ALG8: variants seen among roughly 807,000 people sequenced by gnomAD.
The protein encoded by ALG8 is ALG8 alpha-1,3-glucosyltransferase, also known as dolichyl pyrophosphate Glc1Man9GlcNAc2 alpha-1,3-glucosyltransferase.
A neutral mutation model predicts 70.2 loss-of-function variants in ALG8; 48 were observed. The observed-to-expected ratio is 0.68, with a 90% CI of 0.54 to 0.87. The LOEUF (loss-of-function observed/expected upper bound fraction) is 0.87, where lower values mean the gene tolerates loss of function less well. Among genes scored for constraint, ALG8 ranks in the 40% least tolerant of loss-of-function variants. The probability of loss-of-function intolerance (pLI) is 0.00; values close to 1 mark genes in which losing one functional copy is unlikely to be tolerated. For missense variants in ALG8, 572 were observed against 608.7 expected (o/e 0.94, Z 0.64); for synonymous variants, 234 against 229.0 (o/e 1.02, Z -0.20).
chr11:78,125,721 T>A (rs1861039220), intron 2 of ALG8, among the ~76,000 whole-genome samples: 1 of 150,062 alleles, frequency 6.7e-6, no homozygotes, highest in African/African-American at 2.5e-5. Flanking sequence ...GGCAGGAGAA[T>A]CACTTGAACC....
chr11:78,133,877 G>A (rs1408911876), intron 1 of ALG8, among the ~76,000 whole-genome samples: 1 of 151,444 alleles, frequency 6.6e-6, no homozygotes, highest in East Asian at 2.0e-4. Flanking sequence ...CTCCAGCCTG[G>A]GCGACAGAGC....
intron 1 of ALG8, among the ~76,000 whole-genome samples, chr11:78,136,478 A>G (rs1006138066): frequency 2.0e-5 from 3 of 152,254 alleles, no homozygotes; most frequent in South Asian, 2.1e-4. Context: ...TTAAGGCTGC[A>G]GTGAGCCATG....
At chr11:78,105,912 T>C (rs1234801735) in intron 10 of ALG8, among the ~76,000 whole-genome samples, 2 of 151,874 alleles carry the variant, frequency 1.3e-5, no homozygotes, top group African/African-American at 4.8e-5. Flanking sequence ...TTTTGCCATG[T>C]TGGCCAGGCT....
At chr11:78,118,812 T>C in intron 5 of ALG8, among the ~76,000 whole-genome samples, 1 of 151,788 alleles carries the variant, frequency 6.6e-6, no homozygotes, top group Admixed American at 6.6e-5. Context: ...TGTGCACCTG[T>C]AATCCCAGCT....
At chr11:78,103,812 C>T (rs1464602456) in intron 12 of ALG8, among the ~76,000 whole-genome samples, 168 bp downstream of exon 12, 9 of 152,152 alleles carry the variant, frequency 5.9e-5, no homozygotes, top group Non-Finnish European at 1.0e-4. Flanking sequence ...TATGTTGTCT[C>T]GACTGAGTGA....
chr11:78,138,676 C>T (rs182850521), intron 1 of ALG8: 221 of 453,578 alleles, frequency 4.9e-4, no homozygotes, highest in Non-Finnish European at 8.4e-4. Flanking sequence ...GAAGGGAAGG[C>T]GGAAGCCAAT....
At chr11:78,117,611 CAA>C (rs55823839) in intron 5 of ALG8, among the ~76,000 whole-genome samples, 64 of 128,504 alleles carry the variant, frequency 5.0e-4, no homozygotes, top group South Asian at 5.0e-4. Flanking sequence ...CCTTCTCTAC[CAA>C]AAAAAAAAAA....
chr11:78,138,199 A>C (rs1861627219), intron 1 of ALG8, among the ~76,000 whole-genome samples: 2 of 151,994 alleles, frequency 1.3e-5, no homozygotes, highest in African/African-American at 4.8e-5. Context: ...AAATACAAAA[A>C]TTAGCCTGGC....
chr11:78,109,069 A>T (rs1258973131), intron 9 of ALG8, among the ~76,000 whole-genome samples: 1 of 152,194 alleles, frequency 6.6e-6, no homozygotes, highest in African/African-American at 2.4e-5. Flanking sequence ...ATACATTTGG[A>T]ATTTTGATGA....
At chr11:78,114,522 T>A in intron 5 of ALG8, 130 bp from the exon 6 acceptor site, 1 of 1,087,504 alleles carries the variant, frequency 9.2e-7, no homozygotes, top group Admixed American at 2.0e-5. Flanking sequence ...TTCAAATGCA[T>A]CAATATTGCT....
chr11:78,124,382 C>T (rs1004611128), intron 2 of ALG8, among the ~76,000 whole-genome samples, 168 bp from the exon 3 acceptor site: 4 of 152,140 alleles, frequency 2.6e-5, no homozygotes, highest in Admixed American at 2.6e-4. Context: ...GCAGGCAGAT[C>T]GCTTGAGCCC....
chr11:78,110,364 GTAT>G (rs752719471), intron 8 of ALG8, among the ~76,000 whole-genome samples: 2 of 152,082 alleles, frequency 1.3e-5, no homozygotes, highest in Non-Finnish European at 1.5e-5. Context: ...GCTAATTTTT[GTAT>G]TTTTAGTAGA....
At chr11:78,127,337 A>G (rs1861124426) in intron 2 of ALG8, 21 bp downstream of exon 2, 1 of 1,585,838 alleles carries the variant, frequency 6.3e-7, no homozygotes, top group African/African-American at 1.3e-5. Context: ...TAAAAAAAAA[A>G]AGGTGAAAAT....
chr11:78,137,857 CATG>C lies in ALG8; in HGVS notation c.95+1634_95+1636del, dbSNP rs1455989687. On this transcript the variant is annotated intron_variant, in intron 1 of 12. Transcript: ENST00000299626. Reference sequence around the variant, plus strand: ...ATGTAACACAGACACAAAATGAGCACATGATGTTAGAAAAATGGCATTGATAGA... The same window carrying C: ...ATGTAACACAGACACAAAATGAGCACATGTTAGAAAAATGGCATTGATAGA... 2.6e-5 allele frequency among the ~76,000 whole-genome samples: 4 copies of C among 152,184 alleles called. No homozygotes were observed. The East Asian group carries it at 5.8e-4, about 22-fold the overall frequency.
At chr11:78,133,413 C>T (rs993457600) in intron 1 of ALG8, 10 of 152,168 alleles carry the variant, frequency 6.6e-5, no homozygotes, top group African/African-American at 2.4e-4. Flanking sequence ...TAAAAACATT[C>T]GTTTTTAAAT....
intron 1 of ALG8, among the ~76,000 whole-genome samples, chr11:78,130,925 G>T (rs968581026): frequency 4.6e-5 from 7 of 151,650 alleles, no homozygotes; most frequent in African/African-American, 1.5e-4. Flanking sequence ...CTTAATTTTG[G>T]CAATAACATT....
chr11:78,122,287 T>A (rs543442250), intron 3 of ALG8, among the ~76,000 whole-genome samples: 1 of 151,936 alleles, frequency 6.6e-6, no homozygotes, highest in East Asian at 1.9e-4. Context: ...GAAAATTAAA[T>A]AAGTTAATAA....
Position 78,130,748 on chromosome 11 carries a change from T to C in ALG8, c.96-3312A>G, listed in dbSNP as rs73501288. 4.0e-3 allele frequency among the ~76,000 whole-genome samples: 606 copies of C among 152,324 alleles called. 2 individuals are homozygous for C. Among genetic ancestry groups the C allele is most frequent in the African/African-American group, 0.014 (579 of 41,588 alleles). On this transcript the variant is annotated intron_variant, in intron 1 of 12. Coordinates refer to ENST00000299626, the MANE Select transcript of ALG8 (RefSeq NM_024079.5). ...CTTCATGAGGGTCTTTTTTCATTAA[T>C]TATGCTGAGTATGTAGTGCCTTCAG...
rs764263526 is a variant in ALG8 at position 78,113,956 on chromosome 11, A to G, written c.707T>C (p.Val236Ala). The G allele has an allele frequency of 5.6e-6, 9 of 1,607,474 alleles. No homozygotes were observed. The South Asian group carries it at 8.9e-5, about 16-fold the overall frequency. Residue 236 changes from valine to alanine, a missense_variant, in exon 7 of 13, where the codon GTT (valine) becomes GCT (alanine). Coordinates refer to ENST00000299626, the MANE Select transcript of ALG8 (RefSeq NM_024079.5). Reference protein sequence around the residue: ...GSIRWKSFSFVRVISLGLVVF... With the variant: ...GSIRWKSFSFARVISLGLVVF... ...AACCAGTCCCAGGGAAATAACACGA[A>G]CAAAGCTGAAACTCTTCCATCGAAT...
Sources: allele counts gnomAD v4.1 joint callset (sites outside exome capture counted in the v4.1 genomes callset), GRCh38; gene constraint gnomAD v4.1.1; transcripts MANE v1.5; gene names NCBI Gene and HGNC (gene_info 2026-07-23, HGNC 2026-07-21).